Variants in NXPH2 observed in about 807,000 individuals in gnomAD.
NXPH2 encodes neurexophilin 2, also known as neurexophilin-2.
NXPH2 carries 5 observed loss-of-function variants against 19.8 expected under a neutral mutation model. That is an observed-to-expected ratio of 0.25 (90% CI 0.13 to 0.53). The LOEUF (loss-of-function observed/expected upper bound fraction) is 0.53. NXPH2 is among the 20% of genes least tolerant of loss of function. The pLI, the probability that NXPH2 is intolerant of heterozygous loss-of-function variation, is 0.96. For synonymous variants in NXPH2, 154 were observed against 127.4 expected (o/e 1.21, Z -1.41); for missense variants, 289 against 322.8 (o/e 0.90, Z 0.80).
chr2:138,726,971 G>A (rs902142829), intron 1 of NXPH2, among the ~76,000 whole-genome samples: 1 of 152,034 alleles, frequency 6.6e-6, no homozygotes, highest in Non-Finnish European at 1.5e-5. Flanking sequence ...GCTCACCCCA[G>A]GCAGCCACTG....
At chr2:138,752,147 C>T (rs1310503612) in intron 1 of NXPH2, among the ~76,000 whole-genome samples, 1 of 152,162 alleles carries the variant, frequency 6.6e-6, no homozygotes, top group East Asian at 1.9e-4. Context: ...AGAAAGTCCA[C>T]ATATGATTTC....
At chr2:138,733,660 C>T (rs1487858913) in intron 1 of NXPH2, among the ~76,000 whole-genome samples, 1 of 152,108 alleles carries the variant, frequency 6.6e-6, no homozygotes, top group Non-Finnish European at 1.5e-5. Context: ...AGGGATATGA[C>T]ATCTAAGAAA....
chr2:138,691,735 G>C (rs976402492), intron 1 of NXPH2, among the ~76,000 whole-genome samples: 79 of 152,268 alleles, frequency 5.2e-4, no homozygotes, highest in Non-Finnish European at 6.0e-4. Flanking sequence ...AAGGGGCCCA[G>C]ATGAGTGCAA....
chr2:138,755,276 G>T (rs968545010), intron 1 of NXPH2, among the ~76,000 whole-genome samples: 3 of 152,012 alleles, frequency 2.0e-5, no homozygotes, highest in East Asian at 1.9e-4. Context: ...TTCTCCTGTG[G>T]TTTTTTTCTA....
At chr2:138,724,676 A>G (rs954134719) in intron 1 of NXPH2, among the ~76,000 whole-genome samples, 1 of 152,238 alleles carries the variant, frequency 6.6e-6, no homozygotes, top group African/African-American at 2.4e-5. Context: ...TTCAGTGCAA[A>G]GGAGATGTGG....
intron 1 of NXPH2, among the ~76,000 whole-genome samples, chr2:138,740,451 G>A (rs1449793645): frequency 1.3e-5 from 2 of 152,146 alleles, no homozygotes; most frequent in Admixed American, 6.5e-5. Context: ...TTACCAAAAT[G>A]TGGTGAGGGG....
rs1010619681 is a variant in NXPH2 at position 138,724,307 on chromosome 2, T to C, written c.52-52642A>G. On this transcript the variant is annotated intron_variant, in intron 1 of 1. Transcript: ENST00000272641. ...TGTAGGCAGAACATTCTATCAACTTTAGGGAATGTTGCATCCATTTAGCAT... is the reference window on the plus strand; with the variant it reads ...TGTAGGCAGAACATTCTATCAACTTCAGGGAATGTTGCATCCATTTAGCAT... Among the ~76,000 whole-genome samples, 121 of 152,264 alleles carry C rather than the reference T, an allele frequency of 7.9e-4. 3 individuals carry two copies. The highest frequency in any genetic ancestry group is 7.8e-3 in the Admixed American group (120 of 15,292).
At chr2:138,774,688 C>T (rs548824940) in intron 1 of NXPH2, among the ~76,000 whole-genome samples, 1 of 152,322 alleles carries the variant, frequency 6.6e-6, no homozygotes, top group South Asian at 2.1e-4. Flanking sequence ...CATACACACA[C>T]ACTCACACCC....
chr2:138,682,018 G>C (rs982912866), intron 1 of NXPH2, among the ~76,000 whole-genome samples: 11 of 152,096 alleles, frequency 7.2e-5, no homozygotes, highest in Non-Finnish European at 1.0e-4. Flanking sequence ...AATAATAAAA[G>C]GTGGTTCAAA....
chr2:138,721,664 A>G (rs1438625883), intron 1 of NXPH2, among the ~76,000 whole-genome samples: 1 of 152,148 alleles, frequency 6.6e-6, no homozygotes, highest in African/African-American at 2.4e-5. Context: ...TAATTTAGAA[A>G]AAGACTATGT....
rs188391643 is a variant in NXPH2 at position 138,772,640 on chromosome 2, C to T, written c.51+7551G>A. ...ATAGAACTCCAGATTAAAGAAATGC[C>T]CCAAGAATTCATTTGTTCTATTCAA... is the stretch of plus-strand genomic sequence containing the variant. On this transcript the variant is annotated intron_variant, in intron 1 of 1. Transcript: ENST00000272641. 4.6e-5 allele frequency among the ~76,000 whole-genome samples: 7 copies of T among 152,224 alleles called. No individual in the cohort carries two copies. In the East Asian group the frequency reaches 1.4e-3, roughly 29 times the overall value.
At chr2:138,673,829 C>T (rs1259582103) in intron 1 of NXPH2, among the ~76,000 whole-genome samples, 1 of 151,894 alleles carries the variant, frequency 6.6e-6, no homozygotes, top group African/African-American at 2.4e-5. Context: ...ATCAATCTCT[C>T]TTCATTTCCC....
chr2:138,718,219 G>A (rs7559771), intron 1 of NXPH2, among the ~76,000 whole-genome samples: 36,164 of 151,850 alleles, frequency 0.24, 5,067 homozygotes, highest in East Asian at 0.54. Flanking sequence ...TGAGTTTGAT[G>A]GGGAAAAGAC....
chr2:138,729,314 T>C (rs1410866061), intron 1 of NXPH2, among the ~76,000 whole-genome samples: 5 of 152,206 alleles, frequency 3.3e-5, no homozygotes, highest in Non-Finnish European at 7.3e-5. Flanking sequence ...GATGGTTTTA[T>C]AAGGGGCTTT....
chr2:138,674,660 C>A (rs553475233), intron 1 of NXPH2, among the ~76,000 whole-genome samples: 1 of 152,292 alleles, frequency 6.6e-6, no homozygotes, highest in South Asian at 2.1e-4. Flanking sequence ...GCTCAACACC[C>A]AGACTCTGCT....
intron 1 of NXPH2, among the ~76,000 whole-genome samples, chr2:138,777,831 T>TTAAA (rs1248413796): frequency 2.2e-5 from 2 of 92,948 alleles, no homozygotes; most frequent in Non-Finnish European, 4.0e-5. Context: ...ACCAAAAAAT[T>TTAAA]AAAAAAAAAA....
chr2:138,734,252 A>G (rs1681500370), intron 1 of NXPH2, among the ~76,000 whole-genome samples: 1 of 152,220 alleles, frequency 6.6e-6, no homozygotes, highest in Non-Finnish European at 1.5e-5. Context: ...CACAAAAAAG[A>G]AGAATGAGAT....
intron 1 of NXPH2, among the ~76,000 whole-genome samples, chr2:138,675,359 G>T (rs1422107404): frequency 2.0e-5 from 3 of 151,908 alleles, no homozygotes; most frequent in African/African-American, 7.3e-5. Flanking sequence ...CATAAAAATT[G>T]AGCCCATCAT....
intron 1 of NXPH2, among the ~76,000 whole-genome samples, chr2:138,680,684 C>A (rs1459477882): frequency 6.6e-6 from 1 of 152,176 alleles, no homozygotes; most frequent in East Asian, 1.9e-4. Flanking sequence ...AGCAACAGGG[C>A]AGGGAGTGAA....
Sources: allele counts gnomAD v4.1 joint callset (sites outside exome capture counted in the v4.1 genomes callset), GRCh38; gene constraint gnomAD v4.1.1; transcripts MANE v1.5; gene names NCBI Gene and HGNC (gene_info 2026-07-23, HGNC 2026-07-21).